Variants in SLC25A26 observed in about 807,000 individuals in gnomAD.
SLC25A26 encodes the protein solute carrier family 25 member 26, also known as mitochondrial S-adenosylmethionine carrier protein.
In SLC25A26, 36 loss-of-function variants were observed where a neutral mutation model predicts 37.8. The observed-to-expected ratio is 0.95, with a 90% CI of 0.73 to 1.26. SLC25A26 has a LOEUF of 1.26. SLC25A26 is among the 50% of genes most tolerant of loss of function. The probability of loss-of-function intolerance (pLI) is 0.00; values close to 1 mark genes in which losing one functional copy is unlikely to be tolerated. For synonymous variants in SLC25A26, 129 were observed against 122.5 expected, an observed-to-expected ratio of 1.05 and a Z score of -0.35; for missense variants, 390 against 331.1, an observed-to-expected ratio of 1.18 and a Z score of -1.38.
chr3:66,295,409 T>G (rs890299161), intron 5 of SLC25A26, among the ~76,000 whole-genome samples: 5 of 149,000 alleles, frequency 3.4e-5, no homozygotes, highest in Admixed American at 1.3e-4. Flanking sequence ...ATTTTTGTTT[T>G]TTTTTTTTTT....
At chr3:66,332,422 A>G (rs556325647) in intron 5 of SLC25A26, among the ~76,000 whole-genome samples, 2 of 152,366 alleles carry the variant, frequency 1.3e-5, no homozygotes, top group South Asian at 4.1e-4. Context: ...AACAATTAAT[A>G]GTACTCATTT....
intron 1 of SLC25A26, among the ~76,000 whole-genome samples, chr3:66,146,028 G>A (rs1039008386): frequency 3.3e-5 from 5 of 151,936 alleles, no homozygotes; most frequent in African/African-American, 1.2e-4. Context: ...TTTTATTTTT[G>A]AGAATTTTCC....
chr3:66,150,601 GAGATATATATATATATATAT>G (rs1166097438), intron 1 of SLC25A26, among the ~76,000 whole-genome samples: 18 of 40,844 alleles, frequency 4.4e-4, no homozygotes, highest in South Asian at 1.9e-3. Context: ...TATATGTAAT[GAGATATATATATATATATAT>G]ATATATATAT....
intron 3 of SLC25A26, chr3:66,261,653 A>G (rs1166824230): frequency 2.2e-5 from 4 of 178,938 alleles, no homozygotes; most frequent in Non-Finnish European, 4.6e-5. Flanking sequence ...CTACGGATGT[A>G]TGCATTACTT....
At chr3:66,171,985 A>T (rs1021172772) in intron 1 of SLC25A26, among the ~76,000 whole-genome samples, 7 of 152,084 alleles carry the variant, frequency 4.6e-5, no homozygotes, top group Non-Finnish European at 1.0e-4. Context: ...CAGCTCCCTC[A>T]ACCTTTCCTA....
intron 1 of SLC25A26, among the ~76,000 whole-genome samples, chr3:66,195,156 G>A (rs2071023927): frequency 6.6e-6 from 1 of 152,198 alleles, no homozygotes; most frequent in Non-Finnish European, 1.5e-5. Flanking sequence ...CAATTATGCT[G>A]TACTGCCACT....
At chr3:66,337,943 A>G (rs1476692184) in intron 5 of SLC25A26, among the ~76,000 whole-genome samples, 1 of 152,076 alleles carries the variant, frequency 6.6e-6, no homozygotes, top group African/African-American at 2.4e-5. Context: ...CACAAATTAT[A>G]TATGTACACT....
At chr3:66,299,824 G>C (rs1312552962) in intron 5 of SLC25A26, among the ~76,000 whole-genome samples, 1 of 152,080 alleles carries the variant, frequency 6.6e-6, no homozygotes, top group African/African-American at 2.4e-5. Flanking sequence ...GGTAGTTTTT[G>C]AAAAAGAAAA....
In SLC25A26 at chr3:66,171,003, C is replaced by G. The variant is rs372080057; in HGVS notation, c.-354+37019C>G. Among the ~76,000 whole-genome samples the G allele has an allele frequency of 4.8e-4, 72 of 151,242 alleles. No individual in the cohort carries two copies. The East Asian group carries it at 6.6e-3, about 14-fold the overall frequency. ...TATTTTTAGTAGAGACGGGGTTTCA[C>G]CGTTTTAGCCGGGATGGTCTCGATC... On this transcript the variant is annotated intron_variant, in intron 1 of 10. Coordinates refer to the SLC25A26 transcript ENST00000676754.
intron 1 of SLC25A26, among the ~76,000 whole-genome samples, chr3:66,152,788 C>G (rs1194498499): frequency 6.6e-6 from 1 of 152,144 alleles, no homozygotes; most frequent in African/African-American, 2.4e-5. Flanking sequence ...CCTGATGGTA[C>G]ACAGGTGCTC....
At chr3:66,265,130 T>C (rs946660902) in intron 5 of SLC25A26, among the ~76,000 whole-genome samples, 1 of 151,936 alleles carries the variant, frequency 6.6e-6, no homozygotes, top group Non-Finnish European at 1.5e-5. Context: ...CTGGGCAACA[T>C]TGTGAGACCC....
intron 1 of SLC25A26, among the ~76,000 whole-genome samples, chr3:66,145,113 T>C (rs1576593595): frequency 1.3e-5 from 2 of 152,130 alleles, no homozygotes; most frequent in South Asian, 4.1e-4. Context: ...CTGGGGACTG[T>C]TTATTAACAA....
At chr3:66,296,868 G>A (rs571587662) in intron 5 of SLC25A26, among the ~76,000 whole-genome samples, 1 of 152,354 alleles carries the variant, frequency 6.6e-6, no homozygotes, top group African/African-American at 2.4e-5. Context: ...GGTAAGAACT[G>A]AGAAGTCCTC....
chr3:66,215,835 A>G (rs2071352825), intron 1 of SLC25A26, among the ~76,000 whole-genome samples: 1 of 152,170 alleles, frequency 6.6e-6, no homozygotes, highest in Non-Finnish European at 1.5e-5. Context: ...GTCTTAATCC[A>G]TTTGTGCTGC....
intron 3 of SLC25A26, among the ~76,000 whole-genome samples, chr3:66,254,208 T>A (rs2073212027): frequency 6.6e-6 from 1 of 152,250 alleles, no homozygotes; most frequent in Non-Finnish European, 1.5e-5. Flanking sequence ...GTAATTCCAT[T>A]TATCAACAGA....
At chr3:66,249,324 C>A (rs2107173711) in intron 3 of SLC25A26, among the ~76,000 whole-genome samples, 1 of 152,292 alleles carries the variant, frequency 6.6e-6, no homozygotes, top group East Asian at 1.9e-4. Flanking sequence ...CCCCTTTGTA[C>A]CACAGTCCAT....
chr3:66,340,545 T>C (rs1009943296), intron 5 of SLC25A26, among the ~76,000 whole-genome samples: 1 of 152,124 alleles, frequency 6.6e-6, no homozygotes, highest in Admixed American at 6.5e-5. Context: ...GATTGAGCTT[T>C]TATCTTTAGG....
chr3:66,285,174 A>G (rs149349936), intron 5 of SLC25A26, among the ~76,000 whole-genome samples: 25 of 152,308 alleles, frequency 1.6e-4, no homozygotes, highest in African/African-American at 5.5e-4. Flanking sequence ...TTTCATATAC[A>G]TATTTCACAG....
At chr3:66,188,228 T>C (rs1434114511) in intron 1 of SLC25A26, among the ~76,000 whole-genome samples, 3 of 152,196 alleles carry the variant, frequency 2.0e-5, no homozygotes, top group Non-Finnish European at 4.4e-5. Context: ...ATCCTGATGC[T>C]GATCTTCACC....
Sources: gnomAD v4.1 joint callset for allele counts (sites outside exome capture counted in the v4.1 genomes callset) on GRCh38, gnomAD v4.1.1 for gene constraint, MANE v1.5 for transcripts, NCBI Gene and HGNC (gene_info 2026-07-23, HGNC 2026-07-21) for gene names.